Variants in MAN1C1 observed in about 807,000 individuals in gnomAD.
MAN1C1 encodes the protein mannosidase alpha class 1C member 1, also known as mannosyl-oligosaccharide 1,2-alpha-mannosidase IC.
Under a neutral mutation model 71.5 loss-of-function variants are expected in MAN1C1, and 49 were observed. That is an observed-to-expected ratio of 0.69 (90% CI 0.54 to 0.87). The LOEUF (loss-of-function observed/expected upper bound fraction) is 0.87, where lower values mean the gene tolerates loss of function less well. Ranked by LOEUF, MAN1C1 falls within the 40% of genes least tolerant of loss-of-function variation. The pLI, the probability that MAN1C1 is intolerant of heterozygous loss-of-function variation, is 0.00. For synonymous variants in MAN1C1, 352 were observed against 343.7 expected, an observed-to-expected ratio of 1.02 and a Z score of -0.27; for missense variants, 743 against 835.0, an observed-to-expected ratio of 0.89 and a Z score of 1.36.
rs527779966 is a variant in MAN1C1, at chr1:25,745,511, A to C, written c.638-1157A>C. On this transcript the variant is annotated intron_variant, in intron 2 of 11. Transcript: ENST00000374332. ...AAGAATTATACTGTGTTTTTTTCTTATTTGCAATTTACTTAAAAAGAAAGA... is the reference window on the plus strand; with the variant it reads ...AAGAATTATACTGTGTTTTTTTCTTCTTTGCAATTTACTTAAAAAGAAAGA... Among the ~76,000 whole-genome samples the C allele has an allele frequency of 2.6e-5, 4 of 152,046 alleles. No individual in the cohort carries two copies. In the South Asian group the frequency reaches 8.3e-4, roughly 32 times the overall value.
At chr1:25,679,512 A>C (rs769087572) in intron 1 of MAN1C1, among the ~76,000 whole-genome samples, 6 of 151,944 alleles carry the variant, frequency 3.9e-5, no homozygotes, top group Non-Finnish European at 1.5e-5. Flanking sequence ...GTAATGTATA[A>C]ATTTGGGTGA....
intron 1 of MAN1C1, among the ~76,000 whole-genome samples, chr1:25,657,019 G>C (rs1167629278): frequency 6.6e-6 from 1 of 152,148 alleles, no homozygotes; most frequent in Non-Finnish European, 1.5e-5. Flanking sequence ...TAGAGACGGG[G>C]TTTCACCGTG....
intron 1 of MAN1C1, among the ~76,000 whole-genome samples, chr1:25,669,624 C>A (rs2045968657): frequency 6.6e-6 from 1 of 152,058 alleles, no homozygotes; most frequent in Non-Finnish European, 1.5e-5. Context: ...TTGTAAAAAT[C>A]AGCCAAGTGT....
intron 6 of MAN1C1, chr1:25,759,061 G>A (rs775142467): frequency 2.1e-5 from 5 of 242,990 alleles, no homozygotes; most frequent in Non-Finnish European, 3.3e-5. Context: ...GCATTGGCAG[G>A]AATTGGCCAC....
intron 1 of MAN1C1, among the ~76,000 whole-genome samples, chr1:25,622,313 C>A (rs2045227262): frequency 6.6e-6 from 1 of 152,216 alleles, no homozygotes; most frequent in Non-Finnish European, 1.5e-5. Flanking sequence ...TCATGGTAAA[C>A]CAAGAGGCTG....
chr1:25,681,802 A>C (rs1330290001), intron 1 of MAN1C1, among the ~76,000 whole-genome samples: 1 of 152,060 alleles, frequency 6.6e-6, no homozygotes, highest in African/African-American at 2.4e-5. Context: ...AACACTTTTC[A>C]TTGTCCATCT....
At chr1:25,684,114 G>T (rs2046194381) in intron 1 of MAN1C1, among the ~76,000 whole-genome samples, 4 of 151,828 alleles carry the variant, frequency 2.6e-5, no homozygotes, top group Non-Finnish European at 4.4e-5. Flanking sequence ...GTAGGGTGTG[G>T]CCCCCCGCTT....
chr1:25,677,846 CTTTTTTTT>C (rs772618301), intron 1 of MAN1C1, among the ~76,000 whole-genome samples: 2 of 98,308 alleles, frequency 2.0e-5, no homozygotes, highest in African/African-American at 5.3e-5. Flanking sequence ...TAAAGACCTC[CTTTTTTTT>C]TTTTTTTTTT....
In MAN1C1 at chr1:25,781,122, C is replaced by A. The variant is rs2047687999; in HGVS notation, c.1650+10C>A. The A allele has an allele frequency of 6.2e-7, 1 of 1,612,816 alleles. No individual in the cohort carries two copies. Among genetic ancestry groups the A allele is most frequent in the African/African-American group, 1.3e-5 (1 of 75,016 alleles). On this transcript the variant is annotated intron_variant, in intron 10 of 11. Coordinates refer to ENST00000374332, the MANE Select transcript of MAN1C1 (RefSeq NM_020379.4). ...CTGGGAGGTGGTGCTGGTGAGTGGG[C>A]CCCAGGGATGGGCAGCAAGGTGCTA... is the stretch of plus-strand genomic sequence containing the variant.
In MAN1C1 at chr1:25,631,057, C is replaced by T. The variant is rs138251140; in HGVS notation, c.540+12720C>T. On this transcript the variant is annotated intron_variant, in intron 1 of 11. Coordinates refer to ENST00000374332, the MANE Select transcript of MAN1C1 (RefSeq NM_020379.4). The surrounding 1 kb of genome is among the most constrained non-coding windows in gnomAD (Gnocchi z 4.2). ...TTGGCTCACTGAAACCCCCGCCTCC[C>T]GCATTTAAGTGATTCTTGTGCCTCA... 1.6e-3 allele frequency among the ~76,000 whole-genome samples: 239 copies of T among 152,278 alleles called. No homozygotes were observed. The highest frequency in any genetic ancestry group is 5.1e-3 in the African/African-American group (213 of 41,542).
At chr1:25,691,628 G>T (rs1428270140) in intron 2 of MAN1C1, among the ~76,000 whole-genome samples, 1 of 152,182 alleles carries the variant, frequency 6.6e-6, no homozygotes, top group Non-Finnish European at 1.5e-5. Flanking sequence ...ATTGGGGTGG[G>T]CGTCCAAGTC....
At chr1:25,658,110 C>T (rs1007466063) in intron 1 of MAN1C1, among the ~76,000 whole-genome samples, 2 of 152,216 alleles carry the variant, frequency 1.3e-5, no homozygotes, top group Non-Finnish European at 2.9e-5. Flanking sequence ...GCCCCTGGTC[C>T]TGTGCAGGGT....
In MAN1C1 at chr1:25,704,186, C is replaced by A. The variant is rs1470306651; in HGVS notation, c.637+17650C>A. On this transcript the variant is annotated intron_variant, in intron 2 of 11. Transcript: ENST00000374332. ...TGAGAACAGCCTCTTTCTAGCCACC[C>A]AGCCCCTTTATTAAACTTCCTTCCT... Among the ~76,000 whole-genome samples, 3 of 152,228 alleles carry A rather than the reference C, an allele frequency of 2.0e-5. No homozygotes were observed. In the East Asian group the frequency reaches 5.8e-4, roughly 29 times the overall value.
At chr1:25,710,849 C>A (rs977331670) in intron 2 of MAN1C1, among the ~76,000 whole-genome samples, 2 of 152,084 alleles carry the variant, frequency 1.3e-5, no homozygotes, top group Non-Finnish European at 1.5e-5. Context: ...TTGATGGGAC[C>A]CTGGGTGAGT....
chr1:25,665,855 C>T (rs867640863), intron 1 of MAN1C1, among the ~76,000 whole-genome samples: 50 of 96,772 alleles, frequency 5.2e-4, no homozygotes, highest in African/African-American at 7.1e-4. Context: ...TTGGCATTGG[C>T]TTTTTTTTTT....
intron 1 of MAN1C1, among the ~76,000 whole-genome samples, chr1:25,667,099 G>C (rs185201296): frequency 2.6e-5 from 4 of 152,342 alleles, no homozygotes; most frequent in Admixed American, 2.6e-4. Context: ...TTCTTGGGGA[G>C]GAGGATGTGA....
chr1:25,684,282 A>T lies in MAN1C1; in HGVS notation c.541-2158A>T, dbSNP rs7537066. Among the ~76,000 whole-genome samples, 360 of 152,220 alleles carry T rather than the reference A, an allele frequency of 2.4e-3. 2 individuals are homozygous for T. Among genetic ancestry groups the T allele is most frequent in the African/African-American group, 8.3e-3 (345 of 41,520 alleles). On this transcript the variant is annotated intron_variant, in intron 1 of 11. Coordinates refer to ENST00000374332, the MANE Select transcript of MAN1C1 (RefSeq NM_020379.4). ...GGAGGCCATTCTCTCTCAAGCACTC[A>T]TGCCTGGCAATTATTTGTTGTTATT...
intron 7 of MAN1C1, among the ~76,000 whole-genome samples, chr1:25,768,428 T>A (rs2047487477): frequency 3.3e-5 from 2 of 61,196 alleles, no homozygotes; most frequent in Admixed American, 2.2e-4. Flanking sequence ...CCACACACAA[T>A]TACACACTCC....
intron 1 of MAN1C1, among the ~76,000 whole-genome samples, chr1:25,659,302 G>A (rs1296294247): frequency 6.6e-6 from 1 of 152,174 alleles, no homozygotes; most frequent in Non-Finnish European, 1.5e-5. Context: ...CTCTGCCCCC[G>A]ACCCTTACGT....
Sources: gnomAD v4.1 joint callset for allele counts (sites outside exome capture counted in the v4.1 genomes callset) on GRCh38, gnomAD v4.1.1 for gene constraint, Gnocchi (gnomAD v3.1) non-coding constraint, MANE v1.5 for transcripts, NCBI Gene and HGNC (gene_info 2026-07-23, HGNC 2026-07-21) for gene names.